Variants in WSB1 observed in about 807,000 individuals in gnomAD.
WSB1 encodes the protein WD repeat and SOCS box-containing protein 1.
Under a neutral mutation model 50.2 loss-of-function variants are expected in WSB1, and 23 were observed. The observed-to-expected ratio is 0.46, with a 90% CI of 0.33 to 0.65. The LOEUF is 0.65. Among genes scored for constraint, WSB1 ranks in the 30% least tolerant of loss-of-function variants. The pLI is 0.02. For synonymous variants in WSB1, 179 were observed against 172.0 expected, an observed-to-expected ratio of 1.04 and a Z score of -0.32; for missense variants, 492 against 522.3, an observed-to-expected ratio of 0.94 and a Z score of 0.56.
In WSB1 at chr17:27,312,369, G is replaced by C; in HGVS notation, c.1266G>C (p.Ter422TyrextTer32). ...TGGAGTTTCTCTCGTATCGTATTTA[G>C]AAGATTCTGCCTTCCCTAGTAGTAG... ...KLLEFLSYRI[*>Y] The change falls in exon 9 of 9, where the codon TAG becomes TAC. Residue 422 changes from the stop codon to tyrosine (Y), a stop_lost. Coordinates refer to ENST00000262394, the MANE Select transcript of WSB1 (RefSeq NM_015626.10). 2 of 1,613,898 alleles carry C rather than the reference G, an allele frequency of 1.2e-6. No homozygotes were observed.
In WSB1 at chr17:27,303,380, A is replaced by G. The variant is rs1393302998; in HGVS notation, c.223A>G (p.Thr75Ala). The change falls in exon 3 of 9, where the codon ACC becomes GCC. Residue 75 changes from threonine (T) to alanine (A), a missense_variant. Thr to Ala is a moderately conservative substitution (Grantham distance 58). Transcript: ENST00000262394. ...CCCCCACTCCAGTCTCTTGCATGGC[A>G]CCAAGAATGTTACCAATTCAAGCAG... is the stretch of plus-strand genomic sequence containing the variant. ...QCLQNFLLHGTKNVTNSSSLR... is the reference protein window; with the variant it reads ...QCLQNFLLHGAKNVTNSSSLR... 1 of 1,613,964 alleles carries G rather than the reference A, an allele frequency of 6.2e-7. No homozygotes were observed. The highest frequency in any genetic ancestry group is 8.5e-7 in the Non-Finnish European group (1 of 1,179,976).
At chr17:27,302,537 C>T (rs1215958316) in intron 2 of WSB1, 1 of 151,316 alleles carries the variant, frequency 6.6e-6, no homozygotes, top group African/African-American at 2.4e-5. Flanking sequence ...TAGGTGACTT[C>T]TGTGATGTGA....
rs2017799456 is a variant in WSB1, at chr17:27,314,826, C to G, written c.*2457C>G. 1 of 151,864 alleles carries G rather than the reference C, an allele frequency of 6.6e-6. No individual in the cohort carries two copies. The highest frequency in any genetic ancestry group is 2.4e-5 in the African/African-American group (1 of 41,352). 9.4% of individuals were successfully genotyped at this position (151,864 alleles called of 1,614,324 possible). On this transcript the variant is annotated 3_prime_UTR_variant, in exon 9 of 9. Transcript: ENST00000262394. ...GATTACAGGCGCTCCCCCACCACGCCCAGCTAATTTTTGTTGTATTTTTAG... is the reference window on the plus strand; with the variant it reads ...GATTACAGGCGCTCCCCCACCACGCGCAGCTAATTTTTGTTGTATTTTTAG...
intron 1 of WSB1, among the ~76,000 whole-genome samples, chr17:27,299,467 T>C (rs1427819132): frequency 6.6e-6 from 1 of 152,194 alleles, no homozygotes; most frequent in African/African-American, 2.4e-5. Context: ...GCAGTTATTG[T>C]GCTACTGCGC....
intron 3 of WSB1, 23 bp from the exon 4 acceptor site, chr17:27,304,757 T>C: frequency 6.2e-7 from 1 of 1,606,224 alleles, no homozygotes; most frequent in East Asian, 2.2e-5. Flanking sequence ...CTGTCTTTTT[T>C]TTCCCTTTTC....
chr17:27,304,771 C>T lies in WSB1; in HGVS notation c.479-9C>T, dbSNP rs772855833. ...ACTGTCTTTTTTTTCCCTTTTCTATCATATTTAGGAAAACTCCTCCTTAAC... is the reference window on the plus strand; with the variant it reads ...ACTGTCTTTTTTTTCCCTTTTCTATTATATTTAGGAAAACTCCTCCTTAAC... On this transcript the variant is annotated splice_polypyrimidine_tract_variant and intron_variant, in intron 3 of 8. Coordinates refer to ENST00000262394, the MANE Select transcript of WSB1 (RefSeq NM_015626.10). 2.5e-6 allele frequency: 4 copies of T among 1,607,334 alleles called. No homozygotes were observed. Among genetic ancestry groups the T allele is most frequent in the Non-Finnish European group, 3.4e-6 (4 of 1,177,580 alleles).
In WSB1 at chr17:27,314,443, G is replaced by A. The variant is rs1286554741; in HGVS notation, c.*2074G>A. Reference sequence around the variant, plus strand: ...TTACAAAAATTAGCTGGGCATGGTGGTGGGTTCCTGTACTCCTAGCTACTT... The same window carrying A: ...TTACAAAAATTAGCTGGGCATGGTGATGGGTTCCTGTACTCCTAGCTACTT... On this transcript the variant is annotated 3_prime_UTR_variant, in exon 9 of 9. Coordinates refer to ENST00000262394, the MANE Select transcript of WSB1 (RefSeq NM_015626.10). 6.6e-6 allele frequency: 1 copy of A among 151,910 alleles called. No homozygotes were observed. The highest frequency in any genetic ancestry group is 2.4e-5 in the African/African-American group (1 of 41,374). 9.4% of individuals were successfully genotyped at this position (151,910 alleles called of 1,614,324 possible). A position where few individuals can be genotyped will look rare whatever the true frequency, so the allele number is the denominator to read the frequency against.
Position 27,303,410 on chromosome 17 carries a change from A to G in WSB1, c.253A>G (p.Arg85Gly). ...TKNVTNSSSL[R>G]LPRQNSDGGQ... The stretch of plus-strand genomic sequence containing the variant: ...GAATGTTACCAATTCAAGCAGTTTA[A>G]GATTGCCAAGACAAAATAGTGATGG... Residue 85 changes from arginine to glycine, a missense_variant, in exon 3 of 9, where the codon AGA (arginine) becomes GGA (glycine). Transcript: ENST00000262394. 6.2e-7 allele frequency: 1 copy of G among 1,614,100 alleles called. No individual in the cohort carries two copies. Among genetic ancestry groups the G allele is most frequent in the Non-Finnish European group, 8.5e-7 (1 of 1,180,016 alleles).
intron 1 of WSB1, 36 bp downstream of exon 1, chr17:27,294,471 CGAG>C: frequency 6.2e-7 from 1 of 1,610,808 alleles, no homozygotes; most frequent in Non-Finnish European, 8.5e-7. Flanking sequence ...GCATGAGGGC[CGAG>C]GAGAGGCAGG....
chr17:27,304,000 T>C (rs938378280), intron 3 of WSB1, among the ~76,000 whole-genome samples: 14 of 152,198 alleles, frequency 9.2e-5, no homozygotes, highest in African/African-American at 3.4e-4. Flanking sequence ...TCGAGGTAAA[T>C]CAGATTTCAG....
chr17:27,309,277 G>C lies in WSB1; in HGVS notation c.884+5G>C. The C allele has an allele frequency of 6.4e-7, 1 of 1,569,080 alleles. No individual in the cohort carries two copies. The highest frequency in any genetic ancestry group is 8.7e-7 in the Non-Finnish European group (1 of 1,154,556). ...AGACATTCTGATGGAATTTGGGTGG[G>C]TACAGCATGAATTATTTTAGTCTAT... On this transcript the variant is annotated splice_donor_5th_base_variant and intron_variant, in intron 6 of 8. Coordinates refer to ENST00000262394, the MANE Select transcript of WSB1 (RefSeq NM_015626.10).
rs1188800737 is a variant in WSB1, at chr17:27,314,120, G to A, written c.*1751G>A. 2 of 152,272 alleles carry A rather than the reference G, an allele frequency of 1.3e-5. No individual in the cohort carries two copies. The highest frequency in any genetic ancestry group is 1.9e-4 in the East Asian group (1 of 5,188). 9.4% of individuals were successfully genotyped at this position (152,272 alleles called of 1,614,324 possible). On this transcript the variant is annotated 3_prime_UTR_variant, in exon 9 of 9. Coordinates refer to ENST00000262394, the MANE Select transcript of WSB1 (RefSeq NM_015626.10). ...AGGAATGTAAAAATTTATAGGGGGT[G>A]TAGGGTTATCAATTTGAAAGCCAGT... is the stretch of plus-strand genomic sequence containing the variant.
chr17:27,294,821 G>A (rs552928760), intron 1 of WSB1, among the ~76,000 whole-genome samples: 1 of 152,318 alleles, frequency 6.6e-6, no homozygotes, highest in South Asian at 2.1e-4. Context: ...GGTTGTAAGC[G>A]GTAATGAAAG....
At position 27,313,034 on chromosome 17, in the gene WSB1, C is replaced by G. The variant is rs1441837233; in HGVS notation, c.*665C>G. ...CCAACCTGGACAACAGAGCGAGACT[C>G]CATCTCAAAAAAAAAAAAAAATTGT... is the stretch of plus-strand genomic sequence containing the variant. On this transcript the variant is annotated 3_prime_UTR_variant, in exon 9 of 9. Coordinates refer to ENST00000262394, the MANE Select transcript of WSB1 (RefSeq NM_015626.10). 6.6e-6 allele frequency: 1 copy of G among 150,870 alleles called. No individual in the cohort carries two copies. The highest frequency in any genetic ancestry group is 2.5e-5 in the African/African-American group (1 of 40,816). 9.3% of individuals were successfully genotyped at this position (150,870 alleles called of 1,614,324 possible).
intron 5 of WSB1, chr17:27,308,088 A>G (rs1303060398): frequency 7.1e-6 from 8 of 1,124,180 alleles, no homozygotes; most frequent in Middle Eastern, 3.7e-4. Context: ...TTGGCTTTCA[A>G]ATGGTTTCTC....
intron 1 of WSB1, among the ~76,000 whole-genome samples, chr17:27,300,090 C>T (rs947563644): frequency 1.4e-5 from 2 of 141,828 alleles, no homozygotes; most frequent in African/African-American, 5.4e-5. Context: ...TAAATATTTA[C>T]TGAGCACCTG....
rs2017248958 is a variant in WSB1 at position 27,301,941 on chromosome 17, A to G, written c.194A>G (p.Gln65Arg). 6.3e-7 allele frequency: 1 copy of G among 1,585,758 alleles called. No homozygotes were observed. Among genetic ancestry groups the G allele is most frequent in the Non-Finnish European group, 8.5e-7 (1 of 1,169,676 alleles). Residue 65 changes from glutamine to arginine, a missense_variant, in exon 2 of 9, where the codon CAG becomes CGG. Coordinates refer to ENST00000262394, the MANE Select transcript of WSB1 (RefSeq NM_015626.10). ...HRTVKLVPWS[Q>R]CLQNFLLHGT... ...ACAGTAAAGCTTGTTCCGTGGTCCC[A>G]GTGCCTTCAGAACTTGTAAGACTGT... is the stretch of plus-strand genomic sequence containing the variant.
chr17:27,308,055 G>A, intron 5 of WSB1: 2 of 1,184,550 alleles, frequency 1.7e-6, no homozygotes, highest in Admixed American at 4.5e-5. Flanking sequence ...TCTGACAAGT[G>A]AAACCAATTT....
chr17:27,309,634 G>A (rs1183744057), intron 6 of WSB1, among the ~76,000 whole-genome samples: 7 of 151,474 alleles, frequency 4.6e-5, no homozygotes, highest in African/African-American at 1.7e-4. Context: ...CCAGGCTGGA[G>A]TGCAGTGGCG....
Sources: gnomAD v4.1 joint callset for allele counts (sites outside exome capture counted in the v4.1 genomes callset) on GRCh38, gnomAD v4.1.1 for gene constraint, MANE v1.5 for transcripts, NCBI Gene and HGNC (gene_info 2026-07-23, HGNC 2026-07-21) for gene names.